The following SLC22A23 variants were observed in gnomAD, a reference collection of about 807,000 sequenced individuals.
The protein encoded by SLC22A23 is solute carrier family 22 member 23.
Under a neutral mutation model 61.0 loss-of-function variants are expected in SLC22A23, and 26 were observed. The observed-to-expected ratio is 0.43, with a 90% confidence interval of 0.31 to 0.59. The LOEUF (loss-of-function observed/expected upper bound fraction) is 0.59, where lower values mean the gene tolerates loss of function less well. Ranked by LOEUF, SLC22A23 falls within the 20% of genes least tolerant of loss-of-function variation. The probability of loss-of-function intolerance (pLI) is 0.11; values close to 1 mark genes in which losing one functional copy is unlikely to be tolerated. For missense variants in SLC22A23, 796 were observed against 934.7 expected, an observed-to-expected ratio of 0.85 and a Z score of 1.94; for synonymous variants, 430 against 413.9, an observed-to-expected ratio of 1.04 and a Z score of -0.47.
chr6:3,300,947 G>C (rs1040487782), intron 4 of SLC22A23, among the ~76,000 whole-genome samples: 5 of 151,930 alleles, frequency 3.3e-5, no homozygotes, highest in African/African-American at 1.2e-4. Flanking sequence ...GAAGGTCTCT[G>C]GTCATCTCAC....
chr6:3,408,755 TG>T (rs1768997859), intron 3 of SLC22A23, among the ~76,000 whole-genome samples: 1 of 152,242 alleles, frequency 6.6e-6, no homozygotes, highest in South Asian at 2.1e-4. Context: ...GCAGAGCTCC[TG>T]AAGCACAGCT....
chr6:3,369,354 C>T (rs946402042), intron 3 of SLC22A23, among the ~76,000 whole-genome samples: 2 of 152,216 alleles, frequency 1.3e-5, no homozygotes, highest in Non-Finnish European at 2.9e-5. Context: ...GTAGTATCCA[C>T]ATCCACAAAT....
chr6:3,307,264 T>C (rs1322980156), intron 4 of SLC22A23, among the ~76,000 whole-genome samples: 1 of 152,168 alleles, frequency 6.6e-6, no homozygotes, highest in African/African-American at 2.4e-5. Context: ...ACCCCCCACA[T>C]TCCAGCAGAA....
chr6:3,403,083 T>C (rs775599879), intron 3 of SLC22A23, among the ~76,000 whole-genome samples: 6 of 152,232 alleles, frequency 3.9e-5, no homozygotes, highest in African/African-American at 7.2e-5. Context: ...GCCAAGAGTC[T>C]GTCTTTTCAA....
chr6:3,428,051 C>G (rs1279304642), intron 1 of SLC22A23, among the ~76,000 whole-genome samples: 2 of 152,212 alleles, frequency 1.3e-5, no homozygotes, highest in African/African-American at 4.8e-5. Context: ...CTCAAAGCAT[C>G]CTTAGGCCAA....
At chr6:3,289,398 G>A (rs975515210) in intron 6 of SLC22A23, among the ~76,000 whole-genome samples, 4 of 152,260 alleles carry the variant, frequency 2.6e-5, no homozygotes, top group African/African-American at 9.6e-5. Context: ...ACAGGCAGGG[G>A]CCAAGGCCTC....
intron 3 of SLC22A23, among the ~76,000 whole-genome samples, chr6:3,362,414 A>AAAAAAAAAAAAC (rs1765525517): frequency 1.4e-5 from 1 of 72,930 alleles, no homozygotes; most frequent in Non-Finnish European, 2.8e-5. Flanking sequence ...CAAAAAAAAA[A>AAAAAAAAAAAAC]AATAAAATAA....
chr6:3,424,557 C>T lies in SLC22A23; in HGVS notation c.655-8702G>A, dbSNP rs929927102. ...ATTGAGGGGTATCCTCTCCCAAGACCGGATCAGGAGATCTGTGCCTCTGAA... is the reference window on the plus strand; with the variant it reads ...ATTGAGGGGTATCCTCTCCCAAGACTGGATCAGGAGATCTGTGCCTCTGAA... On this transcript the variant is annotated intron_variant, in intron 1 of 9. Coordinates refer to ENST00000406686, the MANE Select transcript of SLC22A23 (RefSeq NM_015482.2). Among the ~76,000 whole-genome samples the T allele has an allele frequency of 4.6e-5, 7 of 152,186 alleles. No homozygotes were observed. In the South Asian group the frequency reaches 6.2e-4, roughly 14 times the overall value.
At chr6:3,339,417 A>C (rs966931755) in intron 3 of SLC22A23, among the ~76,000 whole-genome samples, 3 of 152,116 alleles carry the variant, frequency 2.0e-5, no homozygotes, top group Non-Finnish European at 4.4e-5. Context: ...TCCACTTTCC[A>C]ATTCATAATG....
At chr6:3,323,681 A>G in intron 4 of SLC22A23, 153 bp downstream of exon 4, 2 of 878,892 alleles carry the variant, frequency 2.3e-6, no homozygotes, top group Non-Finnish European at 3.4e-6. Flanking sequence ...TTTAAACAAT[A>G]AAATTTTTTA....
In SLC22A23 at chr6:3,327,416, C is replaced by T. The variant is rs190284743; in HGVS notation, c.914-3414G>A. On this transcript the variant is annotated intron_variant, in intron 3 of 9. Transcript: ENST00000406686. This position sits in a 1 kb window ranked among gnomAD's most constrained non-coding sequence, Gnocchi z 4.1. ...TCATTCATGGGCAGCCAGACTCTCC[C>T]TGATTATGTAAAACATTTAAGGGCC... Among the ~76,000 whole-genome samples, 18 of 152,362 alleles carry T rather than the reference C, an allele frequency of 1.2e-4. No individual in the cohort carries two copies. The East Asian group carries it at 3.5e-3, about 29-fold the overall frequency.
intron 3 of SLC22A23, among the ~76,000 whole-genome samples, chr6:3,345,315 A>C (rs1414014669): frequency 4.0e-5 from 6 of 150,188 alleles, no homozygotes; most frequent in Non-Finnish European, 8.9e-5. Flanking sequence ...GAGGGAAAGC[A>C]CTCACTTTTA....
intron 3 of SLC22A23, among the ~76,000 whole-genome samples, chr6:3,405,446 G>T (rs369593089): frequency 1.3e-5 from 2 of 152,136 alleles, no homozygotes; most frequent in South Asian, 4.2e-4. Context: ...ACAAAGAGAC[G>T]ACCGAGCACG....
At chr6:3,352,995 A>AAAATACT (rs1395296450) in intron 3 of SLC22A23, among the ~76,000 whole-genome samples, 1 of 152,200 alleles carries the variant, frequency 6.6e-6, no homozygotes, top group Non-Finnish European at 1.5e-5. Context: ...AATATGTATG[A>AAAATACT]AAATACTACA....
intron 3 of SLC22A23, among the ~76,000 whole-genome samples, chr6:3,405,894 A>G (rs1201218213): frequency 6.6e-6 from 1 of 152,208 alleles, no homozygotes; most frequent in Non-Finnish European, 1.5e-5. Flanking sequence ...TTGCAAAGTA[A>G]TCAGTAACTG....
intron 3 of SLC22A23, among the ~76,000 whole-genome samples, chr6:3,395,656 G>C (rs1051128793): frequency 5.3e-5 from 8 of 152,160 alleles, no homozygotes; most frequent in African/African-American, 1.9e-4. Context: ...AATACATAAA[G>C]CTTGAGTATT....
At position 3,427,177 on chromosome 6, in the gene SLC22A23, G is replaced by A. The variant is rs1770553114; in HGVS notation, c.655-11322C>T. ...GCTCAGTTTTAACATCTATGACGTA[G>A]GAGTCGCAAAACCTTCACCAGAGGG... On this transcript the variant is annotated intron_variant, in intron 1 of 9. Coordinates refer to ENST00000406686, the MANE Select transcript of SLC22A23 (RefSeq NM_015482.2). This position sits in a 1 kb window ranked among gnomAD's most constrained non-coding sequence, Gnocchi z 4.3. Among the ~76,000 whole-genome samples, 1 of 152,174 alleles carries A rather than the reference G, an allele frequency of 6.6e-6. No individual in the cohort carries two copies. Among genetic ancestry groups the A allele is most frequent in the African/African-American group, 2.4e-5 (1 of 41,426 alleles).
At chr6:3,280,490 C>G (rs1391588257) in intron 9 of SLC22A23, among the ~76,000 whole-genome samples, 1 of 57,288 alleles carries the variant, frequency 1.7e-5, no homozygotes, top group African/African-American at 5.7e-5. Flanking sequence ...TAAGACACAA[C>G]TTTTTTTTTT....
chr6:3,291,350 T>C (rs986453075), intron 5 of SLC22A23: 1 of 152,146 alleles, frequency 6.6e-6, no homozygotes. Flanking sequence ...GAAGAAAAAA[T>C]GTGTTGCTAA....
Sources: gnomAD v4.1 joint callset for allele counts (sites outside exome capture counted in the v4.1 genomes callset) on GRCh38, gnomAD v4.1.1 for gene constraint, Gnocchi (gnomAD v3.1) non-coding constraint, MANE v1.5 for transcripts, NCBI Gene and HGNC (gene_info 2026-07-23, HGNC 2026-07-21) for gene names.